SPINK5: variants seen among roughly 807,000 people sequenced by gnomAD.
SPINK5 encodes serine peptidase inhibitor Kazal type 5.
Under a neutral mutation model 151.8 loss-of-function variants are expected in SPINK5, and 125 were observed. That is an observed-to-expected ratio of 0.82 (90% CI 0.71 to 0.96). The LOEUF is 0.96. Ranked by LOEUF, SPINK5 falls within the 40% of genes least tolerant of loss-of-function variation. The pLI, the probability that SPINK5 is intolerant of heterozygous loss-of-function variation, is 0.00. For missense variants in SPINK5, 1,194 were observed against 1,291.9 expected, an observed-to-expected ratio of 0.92 and a Z score of 1.16; for synonymous variants, 374 against 395.3, an observed-to-expected ratio of 0.95 and a Z score of 0.64.
chr5:148,064,695 G>T (rs937671987), intron 1 of SPINK5, among the ~76,000 whole-genome samples: 2 of 152,090 alleles, frequency 1.3e-5, no homozygotes, highest in African/African-American at 2.4e-5. Context: ...GACTTACGTT[G>T]CTCTGAAACA....
chr5:148,073,631 G>C (rs1369601560), intron 4 of SPINK5, among the ~76,000 whole-genome samples: 1 of 151,174 alleles, frequency 6.6e-6, no homozygotes, highest in Non-Finnish European at 1.5e-5. Flanking sequence ...ATGAGGAAAT[G>C]ACAAAAAAGC....
At chr5:148,069,885 C>A (rs567652740) in intron 2 of SPINK5, among the ~76,000 whole-genome samples, 3 of 152,170 alleles carry the variant, frequency 2.0e-5, no homozygotes, top group East Asian at 3.9e-4. Context: ...GTTAAAATTT[C>A]TAGGAACTGA....
At chr5:148,092,880 T>C (rs529299118) in intron 8 of SPINK5, among the ~76,000 whole-genome samples, 2 of 151,992 alleles carry the variant, frequency 1.3e-5, no homozygotes, top group African/African-American at 4.8e-5. Context: ...CCAATGGAAT[T>C]TGAATTATTT....
chr5:148,101,861 A>G lies in SPINK5; in HGVS notation c.1383A>G (p.Pro461=). The G allele has an allele frequency of 1.9e-6, 3 of 1,613,820 alleles. No individual in the cohort carries two copies. The highest frequency in any genetic ancestry group is 1.1e-5 in the South Asian group (1 of 91,082). The change falls in exon 15 of 33, where the codon CCA becomes CCG. Residue 461 remains proline (P), a synonymous_variant. Transcript: ENST00000256084. ...CTRENDPIQG[P]DGKMHGNTCS... ...GAGAGAATGACCCCATCCAGGGCCC[A>G]GATGGAAAAATGCATGGCAACACCT...
chr5:148,101,810 G>GA lies in SPINK5; in HGVS notation c.1337dup (p.Asn446LysfsTer11). ...TGTGTAGTGAATACCGCAAATCCAG[G>GA]AAAAACGGACGGCTTTTTTGCACCA... On this transcript the variant is annotated frameshift_variant, in exon 15 of 33. Coordinates refer to ENST00000256084, the MANE Select transcript of SPINK5 (RefSeq NM_006846.4). LOFTEE classifies it high-confidence loss of function. 6.2e-7 allele frequency: 1 copy of GA among 1,613,758 alleles called. No homozygotes were observed. Among genetic ancestry groups the GA allele is most frequent in the South Asian group, 1.1e-5 (1 of 91,074 alleles).
chr5:148,100,606 A>G (rs753448982), intron 13 of SPINK5, 25 bp downstream of exon 13: 2 of 1,611,398 alleles, frequency 1.2e-6, no homozygotes, highest in Admixed American at 1.7e-5. Context: ...AGCTGGGAAC[A>G]TGGAGGAATG....
intron 16 of SPINK5, among the ~76,000 whole-genome samples, chr5:148,105,783 A>ATTTTT: frequency 7.7e-6 from 1 of 130,570 alleles, no homozygotes. Context: ...TGCCCAGCTA[A>ATTTTT]TTTTTTTTTT....
In SPINK5 at chr5:148,072,149, G is replaced by A. The variant is rs761010013; in HGVS notation, c.211G>A (p.Glu71Lys). 14 of 1,611,778 alleles carry A rather than the reference G, an allele frequency of 8.7e-6. No homozygotes were observed. Among genetic ancestry groups the A allele is most frequent in the East Asian group, 2.2e-5 (1 of 44,838 alleles). Residue 71 changes from glutamate to lysine, a missense_variant and splice_region_variant, in exon 4 of 33, where the codon GAA becomes AAA. Coordinates refer to ENST00000256084, the MANE Select transcript of SPINK5 (RefSeq NM_006846.4). ...NKCATCKMIL[E>K]KEAKSQKRAR... Reference sequence around the variant, plus strand: ...ATGCTATTTCTTGTCCTTTTCCAGGGAAAAAGAAGCAAAATCACAGAAGAG... The same window carrying A: ...ATGCTATTTCTTGTCCTTTTCCAGGAAAAAAGAAGCAAAATCACAGAAGAG...
At chr5:148,095,273 A>T (rs1753424873) in intron 9 of SPINK5, among the ~76,000 whole-genome samples, 2 of 151,954 alleles carry the variant, frequency 1.3e-5, no homozygotes, top group Admixed American at 1.3e-4. Context: ...AGCCTCAAGA[A>T]CTACAAGAGG....
intron 15 of SPINK5, among the ~76,000 whole-genome samples, chr5:148,103,559 G>T (rs1370913204): frequency 1.3e-5 from 2 of 152,068 alleles, no homozygotes; most frequent in Non-Finnish European, 2.9e-5. Context: ...AGTCAACTTA[G>T]ACTCGTGATA....
chr5:148,124,634 G>C, intron 27 of SPINK5, 131 bp from the exon 28 acceptor site: 1 of 610,506 alleles, frequency 1.6e-6, no homozygotes, highest in Non-Finnish European at 2.6e-6. Flanking sequence ...AATATTCTTA[G>C]ATTTTTTTTT....
intron 4 of SPINK5, among the ~76,000 whole-genome samples, chr5:148,075,297 T>C (rs1752849148): frequency 6.6e-6 from 1 of 151,598 alleles, no homozygotes; most frequent in African/African-American, 2.4e-5. Flanking sequence ...TTGCTTATTA[T>C]TAAAAGTCTT....
chr5:148,094,812 C>T (rs1305030585), intron 9 of SPINK5, among the ~76,000 whole-genome samples: 1 of 151,842 alleles, frequency 6.6e-6, no homozygotes, highest in Non-Finnish European at 1.5e-5. Context: ...ACCACGACTT[C>T]GATTGTTTTT....
At chr5:148,076,578 C>T (rs1309908924) in intron 4 of SPINK5, among the ~76,000 whole-genome samples, 1 of 151,438 alleles carries the variant, frequency 6.6e-6, no homozygotes, top group Non-Finnish European at 1.5e-5. Context: ...AATATACAAC[C>T]CATACTCAAG....
intron 4 of SPINK5, among the ~76,000 whole-genome samples, chr5:148,085,832 T>C (rs567750448): frequency 4.6e-5 from 7 of 152,040 alleles, no homozygotes; most frequent in African/African-American, 1.7e-4. Flanking sequence ...TTCCAAGTGC[T>C]ATACATGAAT....
chr5:148,113,996 A>G (rs1754014943), intron 20 of SPINK5, among the ~76,000 whole-genome samples: 1 of 152,238 alleles, frequency 6.6e-6, no homozygotes, highest in African/African-American at 2.4e-5. Flanking sequence ...AGAATAAAAT[A>G]CAAAATCAAT....
chr5:148,077,615 A>T (rs1180452856), intron 4 of SPINK5, among the ~76,000 whole-genome samples: 2 of 140,284 alleles, frequency 1.4e-5, no homozygotes, highest in African/African-American at 5.3e-5. Flanking sequence ...ATAAGGCAAC[A>T]ATTATAATGC....
rs781193914 is a variant in SPINK5 at position 148,119,021 on chromosome 5, G to A, written c.2276G>A (p.Arg759His). The A allele has an allele frequency of 3.9e-5, 63 of 1,613,814 alleles. No individual in the cohort carries two copies. The highest frequency in any genetic ancestry group is 2.2e-4 in the East Asian group (10 of 44,858). The change falls in exon 24 of 33, where the codon CGC becomes CAC. Residue 759 changes from arginine to histidine, a missense_variant. Transcript: ENST00000256084. ...GCAGAGAGAAAAAATGAGTATTCTC[G>A]CTCCAGATCAAATGGGACTGGATCA... ...REAERKNEYS[R>H]SRSNGTGSES...
chr5:148,127,049 G>C lies in SPINK5; in HGVS notation c.2934G>C (p.Glu978Asp). 6.2e-7 allele frequency: 1 copy of C among 1,613,692 alleles called. No individual in the cohort carries two copies. Among genetic ancestry groups the C allele is most frequent in the Non-Finnish European group, 8.5e-7 (1 of 1,179,832 alleles). Residue 978 changes from glutamate to aspartate, a missense_variant, in exon 30 of 33, where the codon GAG becomes GAC. Glu to Asp is a conservative substitution (Grantham distance 45). Coordinates refer to ENST00000256084, the MANE Select transcript of SPINK5 (RefSeq NM_006846.4). The part of the protein sequence containing the change: ...EKPSHVRASQ[E>D]EDSPDSFSSL... ...CATCCCATGTTAGAGCTTCTCAAGA[G>C]GAAGACAGCCCAGACTCTTTCAGTT...
Sources: gnomAD v4.1 joint callset for allele counts (sites outside exome capture counted in the v4.1 genomes callset) on GRCh38, gnomAD v4.1.1 for gene constraint, MANE v1.5 for transcripts, NCBI Gene and HGNC (gene_info 2026-07-23, HGNC 2026-07-21) for gene names.